ATF1: variants seen among roughly 807,000 people sequenced by gnomAD.
The protein encoded by ATF1 is activating transcription factor 1.
A neutral mutation model predicts 34.7 loss-of-function variants in ATF1; 16 were observed. The ratio of observed to expected loss-of-function variants is 0.46; its 90% CI spans 0.31 to 0.70. The LOEUF (loss-of-function observed/expected upper bound fraction) is 0.70. Among genes scored for constraint, ATF1 ranks in the 30% least tolerant of loss-of-function variants. The probability of loss-of-function intolerance (pLI) is 0.05; values close to 1 mark genes in which losing one functional copy is unlikely to be tolerated. For synonymous variants in ATF1, 105 were observed against 113.1 expected (o/e 0.93, Z 0.46); for missense variants, 255 against 321.6 (o/e 0.79, Z 1.58).
intron 1 of ATF1, among the ~76,000 whole-genome samples, chr12:50,775,389 G>A (rs979437046): frequency 1.3e-5 from 2 of 151,754 alleles, no homozygotes; most frequent in African/African-American, 4.8e-5. Context: ...CTGAAACAGG[G>A]TCTTGCTGTC....
chr12:50,780,061 A>C, intron 1 of ATF1, 79 bp from the exon 2 acceptor site: 1 of 1,062,576 alleles, frequency 9.4e-7, no homozygotes, highest in Non-Finnish European at 1.4e-6. Context: ...CTAAATGATC[A>C]ATTTTTATAT....
At chr12:50,806,993 G>A (rs1159659144) in intron 3 of ATF1, among the ~76,000 whole-genome samples, 1 of 152,198 alleles carries the variant, frequency 6.6e-6, no homozygotes, top group Admixed American at 6.5e-5. Flanking sequence ...AGACAAACTG[G>A]AGAAGGATCT....
chr12:50,800,385 A>T (rs1183085982), intron 3 of ATF1, among the ~76,000 whole-genome samples: 1 of 152,194 alleles, frequency 6.6e-6, no homozygotes, highest in Non-Finnish European at 1.5e-5. Context: ...AAGACGAAAG[A>T]AAGTTAAGGA....
At chr12:50,819,135 T>C (rs1941899165) in intron 6 of ATF1, among the ~76,000 whole-genome samples, 1 of 152,232 alleles carries the variant, frequency 6.6e-6, no homozygotes, top group Non-Finnish European at 1.5e-5. Context: ...AACATGCCTA[T>C]GCAGCTAACC....
intron 4 of ATF1, 110 bp downstream of exon 4, chr12:50,809,699 G>C: frequency 8.3e-7 from 1 of 1,204,846 alleles, no homozygotes; most frequent in African/African-American, 1.5e-5. Context: ...GATTATTAAA[G>C]GATGTTTTCA....
intron 6 of ATF1, among the ~76,000 whole-genome samples, chr12:50,814,880 TC>T (rs1565920904): frequency 6.6e-6 from 1 of 150,406 alleles, no homozygotes; most frequent in Non-Finnish European, 1.5e-5. Flanking sequence ...ACGCCTGTAA[TC>T]CCAGCTGAGG....
At chr12:50,794,013 C>T (rs945568402) in intron 2 of ATF1, among the ~76,000 whole-genome samples, 52 of 151,774 alleles carry the variant, frequency 3.4e-4, no homozygotes, top group African/African-American at 5.6e-4. Flanking sequence ...TGCAGTGGCG[C>T]GATCTCGGCT....
chr12:50,766,060 C>A (rs994756531), intron 1 of ATF1, among the ~76,000 whole-genome samples: 7 of 152,152 alleles, frequency 4.6e-5, no homozygotes, highest in African/African-American at 1.7e-4. Context: ...CAGTTGGGGC[C>A]TGGATCAGGA....
At position 50,773,444 on chromosome 12, in the gene ATF1, CTTTT is replaced by C. The variant is rs71086476; in HGVS notation, c.-6-6677_-6-6674del. Among the ~76,000 whole-genome samples the C allele has an allele frequency of 3.8e-4, 34 of 89,586 alleles. 1 individual carries two copies. Among genetic ancestry groups the C allele is most frequent in the African/African-American group, 1.3e-3 (30 of 22,426 alleles). 58.8% of individuals were successfully genotyped at this position (89,586 alleles called of 152,430 possible). A position where few individuals can be genotyped will look rare whatever the true frequency, so the allele number is the denominator to read the frequency against. On this transcript the variant is annotated intron_variant, in intron 1 of 6. Coordinates refer to ENST00000262053, the MANE Select transcript of ATF1 (RefSeq NM_005171.5). ...AACTGTTGACTTTTTAATTGCCATT[CTTTT>C]TTTTTTTTTTTTTTTTTTCGAGACA...
At chr12:50,795,186 C>T (rs1245849805) in intron 2 of ATF1, among the ~76,000 whole-genome samples, 1 of 152,200 alleles carries the variant, frequency 6.6e-6, no homozygotes, top group Non-Finnish European at 1.5e-5. Flanking sequence ...TATTTTATCT[C>T]AGCTTGTAAA....
intron 2 of ATF1, among the ~76,000 whole-genome samples, chr12:50,784,312 A>G (rs1479971880): frequency 6.6e-6 from 1 of 152,226 alleles, no homozygotes; most frequent in African/African-American, 2.4e-5. Context: ...TCAGTTGGTA[A>G]TATGTGCCAT....
At chr12:50,768,292 A>G (rs1490366846) in intron 1 of ATF1, among the ~76,000 whole-genome samples, 1 of 152,124 alleles carries the variant, frequency 6.6e-6, no homozygotes, top group East Asian at 1.9e-4. Flanking sequence ...ACTGTCTTAT[A>G]TTTTCCTTTT....
intron 6 of ATF1, among the ~76,000 whole-genome samples, chr12:50,817,748 G>A (rs1476972067): frequency 6.6e-6 from 1 of 152,096 alleles, no homozygotes; most frequent in Non-Finnish European, 1.5e-5. Flanking sequence ...AGATGTATAG[G>A]TTATATAAAG....
chr12:50,803,499 A>T lies in ATF1; in HGVS notation c.195-5957A>T, dbSNP rs1005608413. Among the ~76,000 whole-genome samples, 73 of 57,616 alleles carry T rather than the reference A, an allele frequency of 1.3e-3. 1 individual carries two copies. The highest frequency in any genetic ancestry group is 4.5e-3 in the African/African-American group (68 of 15,162). The allele number at this position is 57,616 out of a possible 152,430, so 37.8% of individuals were successfully genotyped here. A position where few individuals can be genotyped will look rare whatever the true frequency, so the allele number is the denominator to read the frequency against. ...TCTCATACACTGCTGGTAAGAATGT[A>T]AAAAAAAAAAAAAATAGTACAGTTG... On this transcript the variant is annotated intron_variant, in intron 3 of 6. Coordinates refer to ENST00000262053, the MANE Select transcript of ATF1 (RefSeq NM_005171.5).
upstream of ATF1, chr12:50,763,845 T>C (rs1161923036): frequency 6.6e-6 from 1 of 152,030 alleles, no homozygotes; most frequent in African/African-American, 2.4e-5. Context: ...GTACAGCTCC[T>C]AAGGAGAAAC....
intron 2 of ATF1, among the ~76,000 whole-genome samples, chr12:50,786,605 C>T (rs544528259): frequency 7.9e-5 from 12 of 152,052 alleles, no homozygotes; most frequent in South Asian, 2.1e-4. Context: ...GGCTTTAAGC[C>T]GCTGGGAAAA....
chr12:50,812,650 C>CCTAT (rs1325057292), intron 4 of ATF1, among the ~76,000 whole-genome samples: 1 of 151,834 alleles, frequency 6.6e-6, no homozygotes, highest in African/African-American at 2.4e-5. Context: ...ATAGGGAGAC[C>CCTAT]CTATCTCTAT....
At chr12:50,819,105 T>A (rs1307556660) in intron 6 of ATF1, among the ~76,000 whole-genome samples, 2 of 152,230 alleles carry the variant, frequency 1.3e-5, no homozygotes, top group Non-Finnish European at 2.9e-5. Context: ...GAAACCTTTC[T>A]ACAAAAAGAC....
chr12:50,777,105 C>T (rs1177217764), intron 1 of ATF1, among the ~76,000 whole-genome samples: 3 of 152,228 alleles, frequency 2.0e-5, no homozygotes, highest in South Asian at 2.1e-4. Flanking sequence ...CTGCCCACCT[C>T]GGCCTCCCAA....
Sources: gnomAD v4.1 joint callset for allele counts (sites outside exome capture counted in the v4.1 genomes callset) on GRCh38, gnomAD v4.1.1 for gene constraint, MANE v1.5 for transcripts, NCBI Gene and HGNC (gene_info 2026-07-23, HGNC 2026-07-21) for gene names.